ZNF432: variants seen among roughly 807,000 people sequenced by gnomAD.
ZNF432 encodes zinc finger protein 432.
A neutral mutation model predicts 13.9 loss-of-function variants in ZNF432; 10 were observed. That is an observed-to-expected ratio of 0.72 (90% CI 0.44 to 1.22). The LOEUF (loss-of-function observed/expected upper bound fraction) is 1.22, where lower values mean the gene tolerates loss of function less well. Ranked by LOEUF, ZNF432 falls within the 50% of genes most tolerant of loss-of-function variation. The probability of loss-of-function intolerance (pLI) is 0.00; values close to 1 mark genes in which losing one functional copy is unlikely to be tolerated. For missense variants in ZNF432, 793 were observed against 796.2 expected (o/e 1.00, Z 0.05); for synonymous variants, 247 against 256.2 (o/e 0.96, Z 0.34).
At chr19:52,046,007 CAA>C (rs201110474) in intron 2 of ZNF432, among the ~76,000 whole-genome samples, 28 of 87,020 alleles carry the variant, frequency 3.2e-4, no homozygotes, top group Non-Finnish European at 3.6e-4. Context: ...AAACAAAAAC[CAA>C]AAAAAAAAAA....
chr19:52,034,505 G>T lies in ZNF432; in HGVS notation c.1174C>A (p.Gln392Lys), dbSNP rs765154778. The change falls in exon 5 of 5, where the codon CAA becomes AAA. Residue 392 changes from glutamine (Q) to lysine (K), a missense_variant. By Grantham distance (53) the Gln-to-Lys change is moderately conservative. Coordinates refer to ENST00000221315, the MANE Select transcript of ZNF432 (RefSeq NM_014650.4). The stretch of plus-strand genomic sequence containing the variant: ...GGTTTCTCTCCTGTATGAGTTCGTT[G>T]ATGTTCGATCATACGGCTCTTCATG... ...FTMKSRMIEH[Q>K]RTHTGEKPYI... is the part of the protein sequence containing the mutation. 1 of 1,614,018 alleles carries T rather than the reference G, an allele frequency of 6.2e-7. No individual in the cohort carries two copies. Among genetic ancestry groups the T allele is most frequent in the Non-Finnish European group, 8.5e-7 (1 of 1,180,020 alleles).
rs199764984 is a variant in ZNF432, at chr19:52,041,490, C to A, written c.132G>T (p.Leu44=). 6.2e-7 allele frequency: 1 copy of A among 1,603,360 alleles called. No individual in the cohort carries two copies. Among genetic ancestry groups the A allele is most frequent in the Non-Finnish European group, 8.5e-7 (1 of 1,174,240 alleles). The part of the protein sequence containing the change: ...RDVMLEIYSN[L]LSMGYQVSKP... ...AGCAGCTGTCCTCACCCATTGATAG[C>A]AGGTTGCTGTAGATCTCCAACATCA... Residue 44 remains leucine, a synonymous_variant, in exon 3 of 5, where the codon CTG becomes CTT. Coordinates refer to ENST00000221315, the MANE Select transcript of ZNF432 (RefSeq NM_014650.4).
chr19:52,033,408 G>GT lies in ZNF432; in HGVS notation c.*311dup, dbSNP rs1473368396. 1 of 307,190 alleles carries GT rather than the reference G, an allele frequency of 3.3e-6. No homozygotes were observed. Among genetic ancestry groups the GT allele is most frequent in the Non-Finnish European group, 6.0e-6 (1 of 166,562 alleles). 19.0% of individuals were successfully genotyped at this position (307,190 alleles called of 1,614,324 possible). A position where few individuals can be genotyped will look rare whatever the true frequency, so the allele number is the denominator to read the frequency against. Reference sequence around the variant, plus strand: ...TTCAGATTCTCTGCAAAAGGACTATGTACCTTACACATTTGTCATGTGGAC... The same window carrying GT: ...TTCAGATTCTCTGCAAAAGGACTATGTTACCTTACACATTTGTCATGTGGAC... On this transcript the variant is annotated 3_prime_UTR_variant, in exon 5 of 5. Coordinates refer to ENST00000221315, the MANE Select transcript of ZNF432 (RefSeq NM_014650.4).
Position 52,034,865 on chromosome 19 carries a change from T to C in ZNF432, c.814A>G (p.Met272Val), listed in dbSNP as rs772108151. The change falls in exon 5 of 5, where the codon ATG becomes GTG. Residue 272 changes from methionine (M) to valine (V), a missense_variant. By Grantham distance (21) the Met-to-Val change is conservative. Transcript: ENST00000221315. The part of the protein sequence containing the change: ...ICSECGKVFT[M>V]KSRLIEHQRT... ...TGATGTTCAATCAGACGGCTCTTCA[T>C]AGTGAAGACTTTTCCACATTCACTG... The C allele has an allele frequency of 6.2e-7, 1 of 1,613,972 alleles. No individual in the cohort carries two copies. The highest frequency in any genetic ancestry group is 8.5e-7 in the Non-Finnish European group (1 of 1,179,914).
intron 4 of ZNF432, among the ~76,000 whole-genome samples, chr19:52,037,386 G>T (rs751991467): frequency 6.6e-6 from 1 of 152,214 alleles, no homozygotes; most frequent in Non-Finnish European, 1.5e-5. Context: ...GGAAAACAAT[G>T]ATAGGGAATT....
Position 52,035,253 on chromosome 19 carries a change from A to G in ZNF432, c.426T>C (p.Ser142=), listed in dbSNP as rs1259703907. ...LYIKTLKSNL[S]LVNQNKSCEI... is the part of the protein sequence containing the mutation. The stretch of plus-strand genomic sequence containing the variant: ...CACAGCTTTTGTTCTGGTTGACTAA[A>G]CTTAAATTTGATTTCAAAGTTTTTA... The change falls in exon 5 of 5, where the codon AGT becomes AGC. Residue 142 remains serine, a synonymous_variant. Coordinates refer to ENST00000221315, the MANE Select transcript of ZNF432 (RefSeq NM_014650.4). 3 of 1,604,600 alleles carry G rather than the reference A, an allele frequency of 1.9e-6. No homozygotes were observed. The highest frequency in any genetic ancestry group is 8.5e-7 in the Non-Finnish European group (1 of 1,177,402).
chr19:52,034,702 A>T lies in ZNF432; in HGVS notation c.977T>A (p.Phe326Tyr). 1 of 1,613,914 alleles carries T rather than the reference A, an allele frequency of 6.2e-7. No individual in the cohort carries two copies. Among genetic ancestry groups the T allele is most frequent in the Non-Finnish European group, 8.5e-7 (1 of 1,179,968 alleles). ...SYICSECGKG[F>Y]TGKSMLIIHQ... ...TATAATAAGCATGCTCTTCCCAGTG[A>T]AGCCTTTTCCACATTCACTACATAT... Residue 326 changes from phenylalanine (F) to tyrosine (Y), a missense_variant, in exon 5 of 5, where the codon TTC becomes TAC. Transcript: ENST00000221315.
At chr19:52,046,362 C>A (rs1386283763) in intron 2 of ZNF432, among the ~76,000 whole-genome samples, 2 of 152,206 alleles carry the variant, frequency 1.3e-5, no homozygotes, top group Non-Finnish European at 2.9e-5. Context: ...CCTAAAAAAA[C>A]TGTTTCCACT....
chr19:52,043,161 T>A (rs2087151176), intron 2 of ZNF432, among the ~76,000 whole-genome samples: 1 of 152,188 alleles, frequency 6.6e-6, no homozygotes, highest in South Asian at 2.1e-4. Context: ...GATCAGATTG[T>A]TACTGTGTCT....
chr19:52,041,694 T>C lies in ZNF432; in HGVS notation c.16-88A>G. ...GTGAAGGGAAGTTGTCCCGCTCACA[T>C]TAAACATATAGACTGCATCCATCTA... On this transcript the variant is annotated intron_variant, in intron 2 of 4. Transcript: ENST00000221315. The C allele has an allele frequency of 2.6e-6, 4 of 1,522,788 alleles. No homozygotes were observed. The South Asian group carries it at 4.6e-5, about 17-fold the overall frequency. 94.3% of individuals were successfully genotyped at this position (1,522,788 alleles called of 1,614,324 possible).
intron 4 of ZNF432, among the ~76,000 whole-genome samples, chr19:52,038,864 TCTTTGTTTGCCTGGTGG>T (rs989562836): frequency 6.6e-6 from 1 of 152,270 alleles, no homozygotes; most frequent in African/African-American, 2.4e-5. Context: ...CATAGGAGTG[TCTTTGTTTGCCTGGTGG>T]CTTTAGCCAC....
chr19:52,031,959 T>C lies in ZNF432; in HGVS notation c.*1761A>G, dbSNP rs1409320742. 1 of 152,204 alleles carries C rather than the reference T, an allele frequency of 6.6e-6. No homozygotes were observed. The highest frequency in any genetic ancestry group is 1.5e-5 in the Non-Finnish European group (1 of 68,020). The allele number at this position is 152,204 out of a possible 1,614,324, so 9.4% of individuals were successfully genotyped here. ...TTGCAGTGAGCCAAGATCGTGCTAT[T>C]ACACTCCAACCTGGGCAACAAGAGC... On this transcript the variant is annotated 3_prime_UTR_variant, in exon 5 of 5. Transcript: ENST00000221315.
chr19:52,045,601 C>CT (rs369647805), intron 2 of ZNF432, among the ~76,000 whole-genome samples: 55 of 151,464 alleles, frequency 3.6e-4, no homozygotes, highest in African/African-American at 1.3e-3. Flanking sequence ...GGTGACCCGC[C>CT]TGGTTGGCCT....
At position 52,033,825 on chromosome 19, in the gene ZNF432, A is replaced by C. The variant is rs1367371032; in HGVS notation, c.1854T>G (p.Thr618=). 1 of 1,614,124 alleles carries C rather than the reference A, an allele frequency of 6.2e-7. No homozygotes were observed. The highest frequency in any genetic ancestry group is 8.5e-7 in the Non-Finnish European group (1 of 1,180,022). The change falls in exon 5 of 5, where the codon ACT becomes ACG. Residue 618 remains threonine (T), a synonymous_variant. Transcript: ENST00000221315. ...MKSRLIVHQR[T]HTGEKPFVCS... is the part of the protein sequence containing the mutation. ...ATACAAAGGGTTTCTCTCCTGTATG[A>C]GTTCGTTGATGAACAATTAGACGGC...
At chr19:52,047,740 G>A (rs1330575785) in intron 1 of ZNF432, among the ~76,000 whole-genome samples, 2 of 150,906 alleles carry the variant, frequency 1.3e-5, no homozygotes, top group African/African-American at 4.9e-5. Flanking sequence ...GAAAAAAAGA[G>A]GGAGACAGAG....
intron 4 of ZNF432, among the ~76,000 whole-genome samples, chr19:52,036,481 G>A (rs1026910080): frequency 6.6e-6 from 1 of 152,246 alleles, no homozygotes; most frequent in Non-Finnish European, 1.5e-5. Context: ...CCACTGGGTA[G>A]ATGACAGCAT....
chr19:52,035,075 C>A lies in ZNF432; in HGVS notation c.604G>T (p.Glu202Ter), dbSNP rs770370219. ...VSKHQRTHEI[E>*]KNHVCSECGK... The stretch of plus-strand genomic sequence containing the variant: ...CATTCACTGCATACGTGGTTTTTTT[C>A]TATTTCATGAGTTCTCTGATGCTTA... Residue 202 changes from glutamate to a stop codon, truncating the protein, a stop_gained, in exon 5 of 5, where the codon GAA becomes TAA. Coordinates refer to ENST00000221315, the MANE Select transcript of ZNF432 (RefSeq NM_014650.4). LOFTEE classifies it low-confidence loss of function (END_TRUNC). 6 of 1,613,836 alleles carry A rather than the reference C, an allele frequency of 3.7e-6. No homozygotes were observed. In the Admixed American group the frequency reaches 8.3e-5, roughly 22 times the overall value.
Position 52,034,854 on chromosome 19 carries a change from A to C in ZNF432, c.825T>G (p.Arg275=). 1 of 1,613,900 alleles carries C rather than the reference A, an allele frequency of 6.2e-7. No individual in the cohort carries two copies. ...TATGAGTTCGCTGATGTTCAATCAGACGGCTCTTCATAGTGAAGACTTTTC... is the reference window on the plus strand; with the variant it reads ...TATGAGTTCGCTGATGTTCAATCAGCCGGCTCTTCATAGTGAAGACTTTTC... ...ECGKVFTMKS[R]LIEHQRTHTG... The change falls in exon 5 of 5, where the codon CGT becomes CGG. Residue 275 remains arginine (R), a synonymous_variant. Coordinates refer to ENST00000221315, the MANE Select transcript of ZNF432 (RefSeq NM_014650.4).
At chr19:52,041,001 G>C (rs1303368568) in intron 3 of ZNF432, among the ~76,000 whole-genome samples, 1 of 151,968 alleles carries the variant, frequency 6.6e-6, no homozygotes, top group East Asian at 1.9e-4. Flanking sequence ...TTCCTCAGGA[G>C]GCTGAGGCAG....
Sources: allele counts gnomAD v4.1 joint callset (sites outside exome capture counted in the v4.1 genomes callset), GRCh38; gene constraint gnomAD v4.1.1; transcripts MANE v1.5; gene names NCBI Gene and HGNC (gene_info 2026-07-23, HGNC 2026-07-21).